Variants in ERMARD observed in about 807,000 individuals in gnomAD.
The protein encoded by ERMARD is endoplasmic reticulum membrane-associated RNA degradation protein.
Under a neutral mutation model 83.9 loss-of-function variants are expected in ERMARD, and 71 were observed. That is an observed-to-expected ratio of 0.85 (90% CI 0.70 to 1.03). The LOEUF is 1.03. ERMARD is among the 50% of genes least tolerant of loss of function. ERMARD has a pLI of 0.00. For synonymous variants in ERMARD, 284 were observed against 298.6 expected, an observed-to-expected ratio of 0.95 and a Z score of 0.50; for missense variants, 838 against 810.9, an observed-to-expected ratio of 1.03 and a Z score of -0.41.
intron 16 of ERMARD, 21 bp downstream of exon 16, chr6:169,776,694 T>TC (rs1793647674): frequency 6.2e-7 from 1 of 1,611,502 alleles, no homozygotes; most frequent in Non-Finnish European, 8.5e-7. Flanking sequence ...ACTTTCCTGT[T>TC]TTGGAGGGGC....
intron 13 of ERMARD, 141 bp from the exon 14 acceptor site, chr6:169,775,129 C>T: frequency 1.2e-6 from 1 of 849,434 alleles, no homozygotes; most frequent in Non-Finnish European, 1.8e-6. Flanking sequence ...GAAGAACTGA[C>T]ACCCACCATC....
intron 16 of ERMARD, among the ~76,000 whole-genome samples, chr6:169,777,281 T>C (rs1188260015): frequency 6.6e-6 from 1 of 152,220 alleles, no homozygotes; most frequent in African/African-American, 2.4e-5. Context: ...GAAGATCAGC[T>C]AGCAACTACA....
At chr6:169,751,548 A>C (rs1790078112), upstream of ERMARD, 12 of 1,610,226 alleles carry the variant, frequency 7.5e-6, no homozygotes, top group Non-Finnish European at 9.3e-6. Flanking sequence ...GAAGTCTCCC[A>C]CCTGCGCCTC....
intron 6 of ERMARD, among the ~76,000 whole-genome samples, chr6:169,759,531 C>T (rs952397090): frequency 2.0e-5 from 3 of 152,184 alleles, no homozygotes; most frequent in Admixed American, 2.0e-4. Flanking sequence ...GTGATCCTCC[C>T]GACTCAGCCT....
intron 5 of ERMARD, among the ~76,000 whole-genome samples, chr6:169,758,277 CTT>C (rs138150882): frequency 2.3e-3 from 346 of 152,336 alleles, no homozygotes; most frequent in African/African-American, 7.5e-3. Flanking sequence ...TTCTTTTAGT[CTT>C]TGAACATCTT....
rs1794173966 is a variant in ERMARD at position 169,781,325 on chromosome 6, TA to T, written c.1854-4del. ...TGGATAAAGAAATTAATTTTTTTTT[TA>T]CAGGTTTGTAAAGTCGATCTTGCAG... On this transcript the variant is annotated splice_polypyrimidine_tract_variant and splice_region_variant and intron_variant, in intron 17 of 17. Coordinates refer to ENST00000366773, the MANE Select transcript of ERMARD (RefSeq NM_018341.3). The T allele has an allele frequency of 3.0e-5, 47 of 1,584,406 alleles. No individual in the cohort carries two copies. The highest frequency in any genetic ancestry group is 4.0e-5 in the Non-Finnish European group (47 of 1,172,058).
intron 1 of ERMARD, 106 bp downstream of exon 1, chr6:169,751,769 G>C: frequency 7.2e-7 from 1 of 1,398,114 alleles, no homozygotes; most frequent in Non-Finnish European, 9.3e-7. Context: ...ACGCGCCTGC[G>C]GTGGCCGGCG....
At chr6:169,764,751 G>C (rs1791989819) in intron 9 of ERMARD, among the ~76,000 whole-genome samples, 1 of 152,134 alleles carries the variant, frequency 6.6e-6, no homozygotes, top group Non-Finnish European at 1.5e-5. Flanking sequence ...GGATACCTCA[G>C]TGAAATTTAG....
At chr6:169,780,221 T>C (rs995740697) in intron 17 of ERMARD, among the ~76,000 whole-genome samples, 5 of 152,094 alleles carry the variant, frequency 3.3e-5, no homozygotes, top group Non-Finnish European at 5.9e-5. Flanking sequence ...CCCTGCTCAT[T>C]GTAGGACGCT....
At chr6:169,759,530 C>T (rs1468736602) in intron 6 of ERMARD, among the ~76,000 whole-genome samples, 1 of 152,132 alleles carries the variant, frequency 6.6e-6, no homozygotes, top group Non-Finnish European at 1.5e-5. Context: ...AGTGATCCTC[C>T]CGACTCAGCC....
chr6:169,776,864 A>G (rs1321044925), intron 16 of ERMARD, among the ~76,000 whole-genome samples, 191 bp downstream of exon 16: 2 of 152,176 alleles, frequency 1.3e-5, no homozygotes, highest in African/African-American at 4.8e-5. Context: ...TCCAGTTAGA[A>G]AGTTTACTTT....
At chr6:169,766,346 C>T (rs889464813) in intron 9 of ERMARD, among the ~76,000 whole-genome samples, 4 of 152,206 alleles carry the variant, frequency 2.6e-5, no homozygotes, top group Non-Finnish European at 2.9e-5. Context: ...GTATGAGCAG[C>T]GATTTGTGAG....
intron 17 of ERMARD, 143 bp downstream of exon 17, chr6:169,779,438 T>G (rs1793956866): frequency 1.4e-6 from 1 of 694,448 alleles, no homozygotes; most frequent in Non-Finnish European, 2.6e-6. Context: ...GTCTGACATC[T>G]GGCCTGCAAG....
chr6:169,779,190 T>C lies in ERMARD; in HGVS notation c.1748T>C (p.Leu583Pro). The stretch of plus-strand genomic sequence containing the variant: ...CTTTTATCTGTTTTTAGTATCAGAC[T>C]ACTGTCCCCTGTGCTCAGCCTGATA... Reference protein sequence around the residue: ...NYLRMWSSIRLLSPVLSLILL... With the variant: ...NYLRMWSSIRPLSPVLSLILL... Residue 583 changes from leucine (L) to proline (P), a missense_variant, in exon 17 of 18, where the codon CTA (leucine) becomes CCA (proline). Transcript: ENST00000366773. 1 of 1,613,906 alleles carries C rather than the reference T, an allele frequency of 6.2e-7. No homozygotes were observed. The highest frequency in any genetic ancestry group is 8.5e-7 in the Non-Finnish European group (1 of 1,179,694).
chr6:169,769,540 G>C lies in ERMARD; in HGVS notation c.1060G>C (p.Glu354Gln). Residue 354 changes from glutamate (E) to glutamine (Q), a missense_variant and splice_region_variant, in exon 12 of 18, where the codon GAA becomes CAA. By Grantham distance (29) the Glu-to-Gln change is conservative. Coordinates refer to ENST00000366773, the MANE Select transcript of ERMARD (RefSeq NM_018341.3). ...LPLFLGEPAM[E>Q]FLWDFLNHQE... ...ATTTTCTCTGTTTAATTTCTGAAAG[G>C]AATTTCTCTGGGATTTCCTGAACCA... is the stretch of plus-strand genomic sequence containing the variant. The C allele has an allele frequency of 6.3e-7, 1 of 1,593,972 alleles. No individual in the cohort carries two copies. The highest frequency in any genetic ancestry group is 8.5e-7 in the Non-Finnish European group (1 of 1,171,080).
chr6:169,763,035 C>T lies in ERMARD; in HGVS notation c.960+504C>T, dbSNP rs140491231. Among the ~76,000 whole-genome samples the T allele has an allele frequency of 3.1e-3, 467 of 152,294 alleles. 10 individuals are homozygous for T. Among genetic ancestry groups the T allele is most frequent in the African/African-American group, 0.011 (448 of 41,572 alleles). Reference sequence around the variant, plus strand: ...GCCCCTCCATGTGTGTACACACACGCGTACACACAGCTGTCTCAGAGTTCC... The same window carrying T: ...GCCCCTCCATGTGTGTACACACACGTGTACACACAGCTGTCTCAGAGTTCC... On this transcript the variant is annotated intron_variant, in intron 9 of 17. Transcript: ENST00000366773.
intron 17 of ERMARD, 107 bp downstream of exon 17, chr6:169,779,402 T>C: frequency 2.1e-6 from 2 of 939,930 alleles, no homozygotes; most frequent in African/African-American, 3.2e-5. Flanking sequence ...ATCCCCTTGG[T>C]GGCCCCACCG....
chr6:169,759,710 C>T, intron 6 of ERMARD, 128 bp from the exon 7 acceptor site: 3 of 915,842 alleles, frequency 3.3e-6, no homozygotes, highest in Non-Finnish European at 5.0e-6. Context: ...GCATGAGCCA[C>T]CGTGATCGGA....
chr6:169,758,884 A>G (rs980093765), intron 5 of ERMARD, 84 bp from the exon 6 acceptor site: 46 of 1,274,912 alleles, frequency 3.6e-5, no homozygotes, highest in Non-Finnish European at 4.4e-5. Flanking sequence ...TCAGTTAAAA[A>G]GAGGAACACA....
Sources: allele counts gnomAD v4.1 joint callset (sites outside exome capture counted in the v4.1 genomes callset), GRCh38; gene constraint gnomAD v4.1.1; transcripts MANE v1.5; gene names NCBI Gene and HGNC (gene_info 2026-07-23, HGNC 2026-07-21).